Variants in SLCO1A2 observed in about 807,000 individuals in gnomAD.
The protein encoded by SLCO1A2 is solute carrier organic anion transporter family member 1A2, also known as OATP-1.
Under a neutral mutation model 69.0 loss-of-function variants are expected in SLCO1A2, and 67 were observed. That is an observed-to-expected ratio of 0.97 (90% CI 0.80 to 1.19). The LOEUF is 1.19. SLCO1A2 is among the 50% of genes most tolerant of loss of function. The pLI is 0.00. For synonymous variants in SLCO1A2, 260 were observed against 265.9 expected (o/e 0.98, Z 0.22); for missense variants, 787 against 793.7 (o/e 0.99, Z 0.10).
intron 5 of SLCO1A2, among the ~76,000 whole-genome samples, chr12:21,305,969 G>C (rs1949327888): frequency 6.6e-6 from 1 of 152,284 alleles, no homozygotes; most frequent in Non-Finnish European, 1.5e-5. Flanking sequence ...CTTAGCAGAA[G>C]GGACAGAAGG....
intron 12 of SLCO1A2, among the ~76,000 whole-genome samples, chr12:21,286,835 C>T (rs1386337993): frequency 1.4e-5 from 2 of 145,406 alleles, no homozygotes; most frequent in Admixed American, 1.4e-4. Flanking sequence ...GGATCCCTTC[C>T]TTACACCTTA....
At chr12:21,400,380 G>A (rs1257337373), upstream of SLCO1A2, among the ~76,000 whole-genome samples, 1 of 151,770 alleles carries the variant, frequency 6.6e-6, no homozygotes, top group Non-Finnish European at 1.5e-5. Flanking sequence ...GGAAGCAACA[G>A]ATGCTGGAGA....
At chr12:21,362,325 A>C (rs1384000851) in intron 2 of SLCO1A2, among the ~76,000 whole-genome samples, 3 of 152,162 alleles carry the variant, frequency 2.0e-5, no homozygotes, top group Non-Finnish European at 2.9e-5. Flanking sequence ...GGAGAAATAA[A>C]ATGCTTTACA....
chr12:21,415,025 C>T (rs918414751), intron 1 of SLCO1A2, among the ~76,000 whole-genome samples: 1 of 151,890 alleles, frequency 6.6e-6, no homozygotes, highest in African/African-American at 2.4e-5. Flanking sequence ...TACTTTTGAT[C>T]TTTAAATGTT....
intron 1 of SLCO1A2, among the ~76,000 whole-genome samples, chr12:21,381,007 A>G (rs1204091751): frequency 6.6e-6 from 1 of 152,150 alleles, no homozygotes; most frequent in Admixed American, 6.5e-5. Context: ...GACTCCCAAT[A>G]GGTAGAAAAC....
In SLCO1A2 at chr12:21,294,104, T is replaced by C; in HGVS notation, c.1278A>G (p.Pro426=). The C allele has an allele frequency of 6.3e-7, 1 of 1,590,368 alleles. No homozygotes were observed. The highest frequency in any genetic ancestry group is 1.8e-5 in the Admixed American group (1 of 56,098). Reference sequence around the variant, plus strand: ...TGTCATTTTCCACATATAAATCTTGTGGAATTCTGAAGTGATTTAAAATAA... The same window carrying C: ...TGTCATTTTCCACATATAAATCTTGCGGAATTCTGAAGTGATTTAAAATAA... ...VGINTSYEGI[P]QDLYVENDIF... is the part of the protein sequence containing the mutation. Residue 426 remains proline, a synonymous_variant, in exon 11 of 15, where the codon CCA becomes CCG. Transcript: ENST00000683939.
intron 1 of SLCO1A2, among the ~76,000 whole-genome samples, chr12:21,402,667 G>T (rs1457070548): frequency 6.6e-6 from 1 of 152,164 alleles, no homozygotes; most frequent in Non-Finnish European, 1.5e-5. Flanking sequence ...TATACATGCT[G>T]ACCTAGAGGG....
chr12:21,289,149 G>A (rs1946423448), intron 12 of SLCO1A2, among the ~76,000 whole-genome samples: 1 of 149,304 alleles, frequency 6.7e-6, no homozygotes. Context: ...GGATATATAT[G>A]TATATTGTAC....
intron 1 of SLCO1A2, among the ~76,000 whole-genome samples, chr12:21,394,291 G>T (rs1457516379): frequency 6.6e-6 from 1 of 152,052 alleles, no homozygotes; most frequent in Admixed American, 6.5e-5. Context: ...CAGCACTTTG[G>T]TAGGCCAAGG....
chr12:21,327,606 G>A (rs1281155089), intron 2 of SLCO1A2, among the ~76,000 whole-genome samples: 1 of 152,186 alleles, frequency 6.6e-6, no homozygotes, highest in Non-Finnish European at 1.5e-5. Context: ...GCAGTCAAAG[G>A]AGATCATTTT....
At chr12:21,269,965 C>T (rs1942501160) in intron 14 of SLCO1A2, among the ~76,000 whole-genome samples, 198 bp from the exon 15 acceptor site, 1 of 150,838 alleles carries the variant, frequency 6.6e-6, no homozygotes, top group Admixed American at 6.6e-5. Flanking sequence ...TTAATTTTCC[C>T]ACTGAGAAAA....
chr12:21,412,274 G>A (rs145126536), intron 1 of SLCO1A2, among the ~76,000 whole-genome samples: 1,742 of 152,064 alleles, frequency 0.011, 36 homozygotes, highest in African/African-American at 0.04. Flanking sequence ...CCTGCTACTT[G>A]GGAGGCTGAG....
At position 21,343,583 on chromosome 12, in the gene SLCO1A2, C is replaced by T. The variant is rs151195611; in HGVS notation, c.-62-8874G>A. Among the ~76,000 whole-genome samples the T allele has an allele frequency of 2.4e-3, 365 of 152,214 alleles. 2 individuals are homozygous for T. The highest frequency in any genetic ancestry group is 3.7e-3 in the Non-Finnish European group (254 of 68,000). On this transcript the variant is annotated intron_variant, in intron 2 of 15. Coordinates refer to the SLCO1A2 transcript ENST00000307378. The stretch of plus-strand genomic sequence containing the variant: ...TCAAGATTGAATGTTTGCCTTATCA[C>T]CACAAATTGCTTATTGCAGGATTTG...
At chr12:21,397,209 C>T (rs542365993), upstream of SLCO1A2, among the ~76,000 whole-genome samples, 4 of 150,526 alleles carry the variant, frequency 2.7e-5, no homozygotes, top group African/African-American at 4.9e-5. Context: ...CAAAAAAAGG[C>T]AGGGGTTGCA....
chr12:21,296,697 T>C (rs1947765294), intron 9 of SLCO1A2, among the ~76,000 whole-genome samples: 1 of 152,204 alleles, frequency 6.6e-6, no homozygotes, highest in Non-Finnish European at 1.5e-5. Flanking sequence ...GTTCCATCTA[T>C]ACAATGTGAG....
rs1948563695 is a variant in SLCO1A2 at position 21,300,425 on chromosome 12, T to C, written c.833A>G (p.Asn278Ser). 1.2e-6 allele frequency: 2 copies of C among 1,613,572 alleles called. No homozygotes were observed. Among genetic ancestry groups the C allele is most frequent in the South Asian group, 2.2e-5 (2 of 91,072 alleles). Residue 278 changes from asparagine (N) to serine (S), a missense_variant, in exon 8 of 15, where the codon AAT becomes AGT. By Grantham distance (46) the Asn-to-Ser change is conservative. Transcript: ENST00000683939. ...ATTTTCATTTTTAATGATGTCAGCA[T>C]TAGTCTCTAGTCCTTCCTTTGGAAG... Reference protein sequence around the residue: ...NTLPKEGLETNADIIKNENED... With the variant: ...NTLPKEGLETSADIIKNENED...
At chr12:21,293,845 T>G in intron 11 of SLCO1A2, 100 bp downstream of exon 11, 1 of 954,932 alleles carries the variant, frequency 1.0e-6, no homozygotes, top group Non-Finnish European at 1.5e-6. Context: ...AATATGGTTT[T>G]GAGGAAACAC....
chr12:21,286,049 G>A (rs1945723645), intron 12 of SLCO1A2, among the ~76,000 whole-genome samples: 1 of 151,764 alleles, frequency 6.6e-6, no homozygotes, highest in African/African-American at 2.4e-5. Context: ...TATTCAATTA[G>A]GAAAAGAGGA....
intron 1 of SLCO1A2, among the ~76,000 whole-genome samples, chr12:21,385,952 C>T (rs1940856358): frequency 1.3e-5 from 2 of 152,174 alleles, no homozygotes; most frequent in African/African-American, 2.4e-5. Flanking sequence ...CAGAACCAAG[C>T]CCTTGGAGTA....
Sources: gnomAD v4.1 joint callset for allele counts (sites outside exome capture counted in the v4.1 genomes callset) on GRCh38, gnomAD v4.1.1 for gene constraint, MANE v1.5 for transcripts, NCBI Gene and HGNC (gene_info 2026-07-23, HGNC 2026-07-21) for gene names.